PAK1: variants seen among roughly 807,000 people sequenced by gnomAD.
PAK1 encodes the protein p21 (RAC1) activated kinase 1.
PAK1 carries 29 observed loss-of-function variants against 67.4 expected under a neutral mutation model. The observed-to-expected ratio is 0.43, with a 90% confidence interval of 0.32 to 0.59. The LOEUF (loss-of-function observed/expected upper bound fraction) is 0.59, where lower values mean the gene tolerates loss of function less well. Ranked by LOEUF, PAK1 falls within the 20% of genes least tolerant of loss-of-function variation. The pLI is 0.07. For synonymous variants in PAK1, 223 were observed against 237.4 expected (o/e 0.94, Z 0.56); for missense variants, 337 against 670.7 (o/e 0.50, Z 5.50).
chr11:77,357,337 T>A (rs1946169083), intron 6 of PAK1, among the ~76,000 whole-genome samples: 1 of 152,136 alleles, frequency 6.6e-6, no homozygotes, highest in Admixed American at 6.5e-5. Context: ...GGAACAGCAA[T>A]AAGCCAAGAC....
intron 14 of PAK1, chr11:77,325,422 A>T: frequency 6.2e-7 from 1 of 1,600,114 alleles, no homozygotes; most frequent in Non-Finnish European, 8.5e-7. Context: ...GTTGTTGTAA[A>T]GGACAATATA....
At chr11:77,346,965 A>G in intron 9 of PAK1, 1 of 451,306 alleles carries the variant, frequency 2.2e-6, no homozygotes, top group South Asian at 1.6e-5. Flanking sequence ...CAGCACTAAC[A>G]TTCTTCCTAT....
At chr11:77,481,794 T>C in the PAK1 span, among the ~76,000 whole-genome samples, 1 of 152,186 alleles carries the variant, frequency 6.6e-6, no homozygotes, top group African/African-American at 2.4e-5. Context: ...CTATATTGTG[T>C]CTTCCTGTAT....
chr11:77,496,708 A>C, the PAK1 span, among the ~76,000 whole-genome samples: 16 of 152,292 alleles, frequency 1.1e-4, no homozygotes, highest in Middle Eastern at 0.01. Context: ...CAAGCCAGGC[A>C]GATCACTTGA....
At chr11:77,457,424 G>A (rs767313450) in intron 1 of PAK1, among the ~76,000 whole-genome samples, 2 of 152,208 alleles carry the variant, frequency 1.3e-5, no homozygotes, top group Non-Finnish European at 2.9e-5. Context: ...GTAAAAAGGT[G>A]CTTTGAAGGC....
chr11:77,450,535 T>C (rs957592239), intron 1 of PAK1, among the ~76,000 whole-genome samples: 2 of 152,204 alleles, frequency 1.3e-5, no homozygotes, highest in Admixed American at 6.5e-5. Context: ...AATACAAATA[T>C]CTCTGCAAGG....
At chr11:77,462,366 A>G (rs1957392370) in intron 1 of PAK1, among the ~76,000 whole-genome samples, 1 of 151,868 alleles carries the variant, frequency 6.6e-6, no homozygotes, top group African/African-American at 2.4e-5. Context: ...CTTAGATAGC[A>G]TCAGGACATA....
At chr11:77,374,444 T>C in intron 4 of PAK1, 79 bp from the exon 5 acceptor site, 4 of 881,268 alleles carry the variant, frequency 4.5e-6, no homozygotes, top group Non-Finnish European at 7.6e-6. Flanking sequence ...GAAGTCTATC[T>C]GGTCAAGCAC....
chr11:77,525,176 C>T, the PAK1 span, among the ~76,000 whole-genome samples: 7 of 148,856 alleles, frequency 4.7e-5, no homozygotes, highest in African/African-American at 1.8e-4. Flanking sequence ...AAAATCCCAC[C>T]CCTATCAAAA....
intron 2 of PAK1, among the ~76,000 whole-genome samples, chr11:77,386,688 C>T (rs766516700): frequency 7.2e-5 from 11 of 152,122 alleles, no homozygotes; most frequent in Non-Finnish European, 1.6e-4. Flanking sequence ...TCTCATCTCC[C>T]AAAAATCTCT....
the PAK1 span, among the ~76,000 whole-genome samples, chr11:77,521,607 G>A: frequency 2.0e-5 from 3 of 152,136 alleles, no homozygotes; most frequent in African/African-American, 7.2e-5. Context: ...TGCAGCTGTG[G>A]AATTGAGTCC....
the PAK1 span, among the ~76,000 whole-genome samples, chr11:77,515,605 A>T: frequency 6.6e-6 from 1 of 152,186 alleles, no homozygotes; most frequent in Non-Finnish European, 1.5e-5. Flanking sequence ...TCCCCAGGAT[A>T]CCTGACTCAT....
At chr11:77,442,323 G>A (rs1217129421) in intron 1 of PAK1, among the ~76,000 whole-genome samples, 2 of 152,064 alleles carry the variant, frequency 1.3e-5, no homozygotes, top group Non-Finnish European at 2.9e-5. Flanking sequence ...CAGAAGTGAT[G>A]GTATGTCACT....
In PAK1 at chr11:77,440,299, C is replaced by T. The variant is rs557535147; in HGVS notation, c.-22+33253G>A. Among the ~76,000 whole-genome samples, 5 of 152,058 alleles carry T rather than the reference C, an allele frequency of 3.3e-5. No individual in the cohort carries two copies. The East Asian group carries it at 7.7e-4, about 23-fold the overall frequency. ...TCTATAATCCTAGCTACTGAGGAGGCGGAAGCAGGAGAATAGTGTGAGGCC... is the reference window on the plus strand; with the variant it reads ...TCTATAATCCTAGCTACTGAGGAGGTGGAAGCAGGAGAATAGTGTGAGGCC... On this transcript the variant is annotated intron_variant, in intron 1 of 14. Coordinates refer to ENST00000356341, the MANE Select transcript of PAK1 (RefSeq NM_002576.5).
intron 9 of PAK1, chr11:77,346,970 T>G (rs1421355058): frequency 2.2e-6 from 1 of 453,224 alleles, no homozygotes; most frequent in Non-Finnish European, 4.4e-6. Flanking sequence ...CTAACATTCT[T>G]CCTATATGTG....
chr11:77,324,774 C>CAG (rs1241205605), intron 14 of PAK1, among the ~76,000 whole-genome samples: 12 of 120,498 alleles, frequency 1.0e-4, no homozygotes, highest in African/African-American at 5.0e-4. Flanking sequence ...CACACACACA[C>CAG]ACAGAGAGAG....
rs1688834385 is a variant in PAK1 at position 77,379,139 on chromosome 11, C to T, written c.439+102G>A. 1.0e-5 allele frequency: 10 copies of T among 1,003,374 alleles called. No homozygotes were observed. In the South Asian group the frequency reaches 1.8e-4, roughly 18 times the overall value. 62.2% of individuals were successfully genotyped at this position (1,003,374 alleles called of 1,614,324 possible). On this transcript the variant is annotated intron_variant, in intron 4 of 14. Transcript: ENST00000356341. ...CGTTAAAGTGCCACTTCCACTCTTT[C>T]CACTACTTTCTTCTCTCATCCCAGA...
At chr11:77,505,483 T>G in the PAK1 span, among the ~76,000 whole-genome samples, 1 of 152,226 alleles carries the variant, frequency 6.6e-6, no homozygotes, top group African/African-American at 2.4e-5. Context: ...GTAACATGCC[T>G]GGCCATTGCT....
At chr11:77,402,241 A>C (rs1198206772) in intron 1 of PAK1, among the ~76,000 whole-genome samples, 1 of 152,180 alleles carries the variant, frequency 6.6e-6, no homozygotes, top group African/African-American at 2.4e-5. Flanking sequence ...TCCTACAATT[A>C]GAGAAGAATG....
Sources: gnomAD v4.1 joint callset for allele counts (sites outside exome capture counted in the v4.1 genomes callset) on GRCh38, gnomAD v4.1.1 for gene constraint, MANE v1.5 for transcripts, NCBI Gene and HGNC (gene_info 2026-07-23, HGNC 2026-07-21) for gene names.